UBE3D: variants seen among roughly 807,000 people sequenced by gnomAD.
The protein encoded by UBE3D is E3 ubiquitin-protein ligase E3D.
A neutral mutation model predicts 49.6 loss-of-function variants in UBE3D; 48 were observed. The observed-to-expected ratio is 0.97, with a 90% CI of 0.77 to 1.23. The LOEUF is 1.23. Among genes scored for constraint, UBE3D ranks in the 50% most tolerant of loss-of-function variants. UBE3D has a pLI of 0.00. For synonymous variants in UBE3D, 189 were observed against 174.2 expected (o/e 1.08, Z -0.67); for missense variants, 452 against 468.4 (o/e 0.96, Z 0.32).
chr6:83,050,279 A>T (rs1472225169), intron 3 of UBE3D, among the ~76,000 whole-genome samples: 4 of 151,856 alleles, frequency 2.6e-5, no homozygotes, highest in Non-Finnish European at 5.9e-5. Flanking sequence ...TTAGTCCCAG[A>T]CTATCAAATA....
chr6:82,971,321 G>C (rs781560956), intron 8 of UBE3D, among the ~76,000 whole-genome samples: 2 of 151,876 alleles, frequency 1.3e-5, no homozygotes, highest in Non-Finnish European at 2.9e-5. Context: ...GCTGAGAAAC[G>C]CATTTCTAAT....
rs146214312 is a variant in UBE3D at position 82,954,388 on chromosome 6, T to C, written c.1149+2924A>G. 6.3e-3 allele frequency among the ~76,000 whole-genome samples: 964 copies of C among 152,302 alleles called. 5 individuals carry two copies. The highest frequency in any genetic ancestry group is 0.027 in the Middle Eastern group (8 of 294). ...CCACCAAAAGAGATCCCTGTTGGCC[T>C]GAGAGAAATGTTACAATGTAATTTA... On this transcript the variant is annotated intron_variant, in intron 9 of 9. Transcript: ENST00000369747.
intron 4 of UBE3D, among the ~76,000 whole-genome samples, chr6:83,042,411 CT>C (rs1782739611): frequency 6.6e-6 from 1 of 152,198 alleles, no homozygotes; most frequent in Non-Finnish European, 1.5e-5. Context: ...TTTGTTTGTG[CT>C]GTTTTTAAAA....
At chr6:83,056,993 T>C (rs948333718) in intron 2 of UBE3D, among the ~76,000 whole-genome samples, 1 of 152,184 alleles carries the variant, frequency 6.6e-6, no homozygotes, top group African/African-American at 2.4e-5. Flanking sequence ...TTTTATACAA[T>C]AAATAACCCT....
intron 8 of UBE3D, among the ~76,000 whole-genome samples, chr6:82,978,869 A>T (rs928687972): frequency 1.3e-5 from 2 of 152,176 alleles, no homozygotes; most frequent in African/African-American, 4.8e-5. Flanking sequence ...GTACTAGGTG[A>T]TCTATTTTCC....
intron 9 of UBE3D, among the ~76,000 whole-genome samples, chr6:82,917,753 T>G (rs1010291196): frequency 2.6e-5 from 4 of 152,146 alleles, no homozygotes; most frequent in African/African-American, 9.7e-5. Context: ...GGCAGAGACT[T>G]AAGACAGAAG....
In UBE3D at chr6:83,015,654, A is replaced by T. The variant is rs75178796; in HGVS notation, c.1010+3319T>A. On this transcript the variant is annotated intron_variant, in intron 8 of 9. Coordinates refer to ENST00000369747, the MANE Select transcript of UBE3D (RefSeq NM_198920.3). ...CACCTCCTCATAGGTCACACTCTCA[A>T]CCTCACCTTTAGGGGCCTGCCAGGA... 3.0e-4 allele frequency among the ~76,000 whole-genome samples: 45 copies of T among 152,264 alleles called. No homozygotes were observed. In the East Asian group the frequency reaches 8.5e-3, roughly 29 times the overall value.
intron 1 of UBE3D, among the ~76,000 whole-genome samples, chr6:83,065,230 A>C (rs982656187): frequency 1.3e-5 from 2 of 152,212 alleles, no homozygotes; most frequent in African/African-American, 4.8e-5. Flanking sequence ...CTCACATAGG[A>C]ACTGATCCAG....
intron 9 of UBE3D, among the ~76,000 whole-genome samples, chr6:82,953,142 T>C (rs566739919): frequency 2.0e-5 from 3 of 152,284 alleles, no homozygotes; most frequent in South Asian, 2.1e-4. Context: ...TGAAATAAAC[T>C]AGCAACGGCA....
intron 8 of UBE3D, among the ~76,000 whole-genome samples, chr6:82,977,796 C>T (rs1777833508): frequency 6.6e-6 from 1 of 152,090 alleles, no homozygotes; most frequent in Non-Finnish European, 1.5e-5. Context: ...TGAGATTATG[C>T]CATTGCACTC....
chr6:83,006,892 T>C (rs1458868658), intron 8 of UBE3D, among the ~76,000 whole-genome samples: 1 of 152,224 alleles, frequency 6.6e-6, no homozygotes, highest in Non-Finnish European at 1.5e-5. Context: ...ATGGTTAAAA[T>C]GGTAAATTTT....
At chr6:83,045,480 T>G (rs1437991125) in intron 3 of UBE3D, among the ~76,000 whole-genome samples, 1 of 151,696 alleles carries the variant, frequency 6.6e-6, no homozygotes, top group African/African-American at 2.4e-5. Flanking sequence ...TATTATGTTC[T>G]TATTAATTTG....
At chr6:83,000,736 C>T (rs1779566553) in intron 8 of UBE3D, among the ~76,000 whole-genome samples, 1 of 152,204 alleles carries the variant, frequency 6.6e-6, no homozygotes, top group Non-Finnish European at 1.5e-5. Context: ...ATTACAGCCA[C>T]CCTGACCTTC....
intron 6 of UBE3D, among the ~76,000 whole-genome samples, chr6:83,022,807 C>A (rs1038415189): frequency 6.6e-6 from 1 of 152,140 alleles, no homozygotes; most frequent in African/African-American, 2.4e-5. Context: ...CACACCAAAC[C>A]TAACTATTCA....
At chr6:83,050,879 C>G (rs1311549626) in intron 3 of UBE3D, among the ~76,000 whole-genome samples, 2 of 147,326 alleles carry the variant, frequency 1.4e-5, no homozygotes, top group Non-Finnish European at 3.0e-5. Flanking sequence ...ACAGGTGTGA[C>G]ATGAAAAGGT....
intron 9 of UBE3D, among the ~76,000 whole-genome samples, chr6:82,955,231 A>G (rs980321618): frequency 5.3e-5 from 8 of 151,736 alleles, no homozygotes; most frequent in African/African-American, 1.5e-4. Context: ...TTCCTCCCAA[A>G]CCTCCCATAT....
At chr6:82,949,252 T>C (rs908670579) in intron 9 of UBE3D, among the ~76,000 whole-genome samples, 3 of 151,892 alleles carry the variant, frequency 2.0e-5, no homozygotes, top group African/African-American at 7.2e-5. Flanking sequence ...AAATTAAAAA[T>C]AATCCCATTT....
At chr6:82,947,678 C>G (rs531633778) in intron 9 of UBE3D, among the ~76,000 whole-genome samples, 45 of 152,010 alleles carry the variant, frequency 3.0e-4, no homozygotes, top group Non-Finnish European at 5.3e-4. Context: ...CTTCTCTGAC[C>G]ACAATGGAAT....
intron 9 of UBE3D, among the ~76,000 whole-genome samples, chr6:82,922,404 T>C (rs988392420): frequency 1.3e-5 from 2 of 152,150 alleles, no homozygotes; most frequent in Non-Finnish European, 2.9e-5. Context: ...TATGGGGCTA[T>C]TGAAACCTTG....
Sources: gnomAD v4.1 joint callset for allele counts (sites outside exome capture counted in the v4.1 genomes callset) on GRCh38, gnomAD v4.1.1 for gene constraint, MANE v1.5 for transcripts, NCBI Gene and HGNC (gene_info 2026-07-23, HGNC 2026-07-21) for gene names.